The following OCM variants were observed in gnomAD, a reference collection of about 807,000 sequenced individuals.
OCM encodes the protein oncomodulin.
A neutral mutation model predicts 14.1 loss-of-function variants in OCM; 18 were observed. The observed-to-expected ratio is 1.28, with a 90% CI of 0.88 to 1.89. The LOEUF is 1.89. OCM is among the 40% of genes most tolerant of loss of function. OCM has a pLI of 0.00. For synonymous variants in OCM, 48 were observed against 51.0 expected, an observed-to-expected ratio of 0.94 and a Z score of 0.25; for missense variants, 140 against 137.6, an observed-to-expected ratio of 1.02 and a Z score of -0.09.
the OCM span, among the ~76,000 whole-genome samples, chr7:5,861,880 A>G: frequency 0.036 from 5,515 of 152,016 alleles, 125 homozygotes; most frequent in Non-Finnish European, 0.053. Context: ...CACTCGGCCT[A>G]CTTTTTAATT....
At chr7:5,863,627 GGT>G in the OCM span, among the ~76,000 whole-genome samples, 294 of 151,792 alleles carry the variant, frequency 1.9e-3, 3 homozygotes, top group African/African-American at 6.0e-3. Context: ...CCACCTCCTG[GGT>G]TCAAGCGATT....
chr7:5,864,940 A>G, the OCM span, among the ~76,000 whole-genome samples: 1 of 149,634 alleles, frequency 6.7e-6, no homozygotes, highest in Non-Finnish European at 1.5e-5. Flanking sequence ...CTCCCTCTCA[A>G]AAAAAAAAAG....
the OCM span, among the ~76,000 whole-genome samples, chr7:5,868,636 C>T: frequency 7.2e-5 from 11 of 151,850 alleles, no homozygotes; most frequent in African/African-American, 2.7e-4. Context: ...GAATTGTCCT[C>T]TCCTGCAGCA....
At chr7:5,880,763 TAA>T, upstream of OCM, 13 of 723,918 alleles carry the variant, frequency 1.8e-5, no homozygotes, top group South Asian at 2.2e-5. Flanking sequence ...CGTCTTAATT[TAA>T]AAAAAAAAAT....
the OCM span, among the ~76,000 whole-genome samples, chr7:5,860,733 C>CACGTATATATACACATATAT: frequency 1.5e-5 from 2 of 130,478 alleles, 1 homozygote; most frequent in Non-Finnish European, 3.4e-5. Flanking sequence ...TGTATATATT[C>CACGTATATATACACATATAT]ACGTATATAT....
chr7:5,870,042 TTCG>T, the OCM span, among the ~76,000 whole-genome samples: 2 of 151,466 alleles, frequency 1.3e-5, no homozygotes, highest in African/African-American at 4.9e-5. Flanking sequence ...CTTTGTTTTC[TTCG>T]TTATTATATA....
In OCM at chr7:5,880,857, G is replaced by A. The variant is rs765749734; in HGVS notation, c.-33G>A. Reference sequence around the variant, plus strand: ...TGCACATTCCTGTTTGTGGCTTATCGCCTCTCATTTATTCTGTGTGAGTAG... The same window carrying A: ...TGCACATTCCTGTTTGTGGCTTATCACCTCTCATTTATTCTGTGTGAGTAG... On this transcript the variant is annotated 5_prime_UTR_variant, in exon 1 of 4. Transcript: ENST00000242104. The A allele has an allele frequency of 8.1e-6, 13 of 1,608,102 alleles. No homozygotes were observed. The highest frequency in any genetic ancestry group is 4.5e-5 in the East Asian group (2 of 44,810).
rs549699121 is a variant in OCM, at chr7:5,885,654, A to G, written c.305-410A>G. 5.3e-5 allele frequency among the ~76,000 whole-genome samples: 7 copies of G among 133,322 alleles called. No homozygotes were observed. In the Admixed American group the frequency reaches 5.3e-4, roughly 10 times the overall value. The allele number at this position is 133,322 out of a possible 152,430, so 87.5% of individuals were successfully genotyped here. A position where few individuals can be genotyped will look rare whatever the true frequency, so the allele number is the denominator to read the frequency against. On this transcript the variant is annotated intron_variant, in intron 3 of 3. Transcript: ENST00000242104. The stretch of plus-strand genomic sequence containing the variant: ...GAGTTGGAGTCTGGCTCTCTCGCCC[A>G]GGCTAGAGTGCAATGGCGTGATTTC...
upstream of OCM, among the ~76,000 whole-genome samples, chr7:5,877,167 C>CT (rs1020559760): frequency 6.6e-6 from 1 of 151,936 alleles, no homozygotes; most frequent in Non-Finnish European, 1.5e-5. Context: ...TATTTTTGCA[C>CT]TTTTTAAAAA....
chr7:5,872,318 G>A, the OCM span, among the ~76,000 whole-genome samples: 1 of 152,148 alleles, frequency 6.6e-6, no homozygotes, highest in Non-Finnish European at 1.5e-5. Flanking sequence ...ACACTTCACG[G>A]TCTTCATTTG....
chr7:5,877,378 G>A (rs540353129), upstream of OCM, among the ~76,000 whole-genome samples: 13 of 151,816 alleles, frequency 8.6e-5, no homozygotes, highest in African/African-American at 3.1e-4. Flanking sequence ...TGAGCTGGGA[G>A]GATTGCCTGA....
the OCM span, among the ~76,000 whole-genome samples, chr7:5,864,683 C>A: frequency 6.6e-6 from 1 of 151,684 alleles, no homozygotes. Flanking sequence ...GGCCGGGCAC[C>A]GTGGCTCACA....
chr7:5,876,558 G>A (rs148719593), upstream of OCM, among the ~76,000 whole-genome samples: 15 of 152,274 alleles, frequency 9.9e-5, no homozygotes, highest in South Asian at 2.1e-4. Flanking sequence ...ACTGCTGAGC[G>A]CCTAAATCTA....
At chr7:5,876,510 C>G (rs1414795388), upstream of OCM, among the ~76,000 whole-genome samples, 1 of 152,128 alleles carries the variant, frequency 6.6e-6, no homozygotes, top group Non-Finnish European at 1.5e-5. Flanking sequence ...GTATTTTCAA[C>G]TTCTTTTTGC....
the OCM span, among the ~76,000 whole-genome samples, chr7:5,873,311 A>G: frequency 1.8e-4 from 27 of 152,102 alleles, 1 homozygote; most frequent in African/African-American, 6.5e-4. Context: ...TGGGAGGTAG[A>G]GGTCGCAGTG....
chr7:5,866,618 GAC>G, the OCM span, among the ~76,000 whole-genome samples: 8 of 152,270 alleles, frequency 5.3e-5, no homozygotes, highest in Admixed American at 2.0e-4. Context: ...TTGATTTTCT[GAC>G]ATCTGACCTG....
the OCM span, among the ~76,000 whole-genome samples, chr7:5,860,797 TATACACAC>T: frequency 3.3e-4 from 29 of 86,740 alleles, 3 homozygotes; most frequent in African/African-American, 2.5e-3. Context: ...TATACATATA[TATACACAC>T]ATACACACAT....
the OCM span, among the ~76,000 whole-genome samples, chr7:5,872,848 G>A: frequency 2.0e-5 from 3 of 151,892 alleles, no homozygotes; most frequent in East Asian, 1.9e-4. Flanking sequence ...CCCCCTCTCC[G>A]AGAAACACCC....
the OCM span, among the ~76,000 whole-genome samples, chr7:5,863,781 C>T: frequency 6.6e-6 from 1 of 152,030 alleles, no homozygotes; most frequent in Non-Finnish European, 1.5e-5. Flanking sequence ...ATCTGCCTGA[C>T]TCGGCGTCGC....
Sources: gnomAD v4.1 joint callset for allele counts (sites outside exome capture counted in the v4.1 genomes callset) on GRCh38, gnomAD v4.1.1 for gene constraint, MANE v1.5 for transcripts, NCBI Gene and HGNC (gene_info 2026-07-23, HGNC 2026-07-21) for gene names.